Variants in ZIM2 observed in about 807,000 individuals in gnomAD.
ZIM2 encodes zinc finger imprinted 2.
A neutral mutation model predicts 38.6 loss-of-function variants in ZIM2; 14 were observed. The ratio of observed to expected loss-of-function variants is 0.36; its 90% CI spans 0.24 to 0.57. The LOEUF (loss-of-function observed/expected upper bound fraction) is 0.57, where lower values mean the gene tolerates loss of function less well. Among genes scored for constraint, ZIM2 ranks in the 20% least tolerant of loss-of-function variants. ZIM2 has a pLI of 0.81. For synonymous variants in ZIM2, 247 were observed against 245.8 expected (o/e 1.00, Z -0.04); for missense variants, 680 against 695.1 (o/e 0.98, Z 0.24).
intron 2 of ZIM2, among the ~76,000 whole-genome samples, chr19:56,830,682 C>G (rs2061490432): frequency 6.6e-6 from 1 of 152,086 alleles, no homozygotes; most frequent in South Asian, 2.1e-4. Flanking sequence ...AGAAATAATT[C>G]CCATTAATAG....
At chr19:56,811,910 TTAGGA>T in intron 9 of ZIM2, 2 of 985,224 alleles carry the variant, frequency 2.0e-6, no homozygotes, top group Non-Finnish European at 2.4e-6. Context: ...TGGTGATATA[TTAGGA>T]CTCCCTTCTT....
At chr19:56,830,175 T>G (rs1218057236) in intron 2 of ZIM2, among the ~76,000 whole-genome samples, 2 of 152,248 alleles carry the variant, frequency 1.3e-5, no homozygotes, top group Non-Finnish European at 2.9e-5. Context: ...GTTACCTTTT[T>G]CATCTCTATA....
chr19:56,775,971 C>T (rs941873234), intron 12 of ZIM2, among the ~76,000 whole-genome samples: 1 of 151,844 alleles, frequency 6.6e-6, no homozygotes, highest in Non-Finnish European at 1.5e-5. Flanking sequence ...CATGGTGGCG[C>T]GTGCCTGTAG....
At chr19:56,793,783 T>C (rs1600763548) in intron 9 of ZIM2, among the ~76,000 whole-genome samples, 1 of 152,100 alleles carries the variant, frequency 6.6e-6, no homozygotes, top group African/African-American at 2.4e-5. Flanking sequence ...ACAGAAAATA[T>C]GAATGTTAAG....
intron 1 of ZIM2, 58 bp from the exon 2 acceptor site, chr19:56,836,162 CAG>C: frequency 2.3e-6 from 1 of 434,366 alleles, no homozygotes. Context: ...CTGGGTTCCT[CAG>C]GGGGGAACAA....
chr19:56,820,249 T>C (rs1379542904), intron 7 of ZIM2, among the ~76,000 whole-genome samples: 1 of 152,192 alleles, frequency 6.6e-6, no homozygotes, highest in Non-Finnish European at 1.5e-5. Flanking sequence ...ATTAAGAAAT[T>C]TACACATGAA....
At position 56,814,128 on chromosome 19, in the gene ZIM2, C is replaced by T. The variant is rs1474492451; in HGVS notation, c.490+3618G>A. 6.2e-6 allele frequency: 10 copies of T among 1,614,168 alleles called. No homozygotes were observed. The highest frequency in any genetic ancestry group is 8.5e-6 in the Non-Finnish European group (10 of 1,180,028). ...TTGGCTGCTCGGCCTCTCCATTTGG[C>T]TGTCCAGCCTCTCCAATGGGCTCTG... On this transcript the variant is annotated intron_variant, in intron 9 of 12. Coordinates refer to ENST00000629319, the MANE Select transcript of ZIM2 (RefSeq NM_001387356.1). The surrounding 1 kb of genome is among the most constrained non-coding windows in gnomAD (Gnocchi z 5.8).
At chr19:56,837,290 T>G (rs943612586) in intron 1 of ZIM2, among the ~76,000 whole-genome samples, 1 of 151,916 alleles carries the variant, frequency 6.6e-6, no homozygotes, top group African/African-American at 2.4e-5. Context: ...AGCCTCCTAG[T>G]TCCCATGCAC....
rs757500586 is a variant in ZIM2 at position 56,774,700 on chromosome 19, G to A, written c.1665C>T (p.Cys555=). 1.5e-5 allele frequency: 25 copies of A among 1,613,774 alleles called. No homozygotes were observed. Among genetic ancestry groups the A allele is most frequent in the South Asian group, 4.4e-5 (4 of 91,054 alleles). ...GACTAAAGGTTTCTCAACAGTGATCGCACTCAACAGTTTTCTCTTGAGAAT... is the reference window on the plus strand; with the variant it reads ...GACTAAAGGTTTCTCAACAGTGATCACACTCAACAGTTTTCTCTTGAGAAT... The part of the protein sequence containing the change: ...QLHSQEKTVE[C]DHC The change falls in exon 13 of 13, where the codon TGC becomes TGT. Residue 555 remains cysteine (C), a synonymous_variant. Transcript: ENST00000629319.
At chr19:56,811,700 T>A in intron 9 of ZIM2, 1 of 985,506 alleles carries the variant, frequency 1.0e-6, no homozygotes, top group Non-Finnish European at 1.2e-6. Flanking sequence ...GTAGTAAACC[T>A]CACTGCCCCT....
At position 56,814,362 on chromosome 19, in the gene ZIM2, T is replaced by G. The variant is rs774278346; in HGVS notation, c.490+3384A>C. ...CTGCTGCAGCTGCTGCTGCTTCATC[T>G]TCTTCTTCTTCTTCCAGATGAAGCT... On this transcript the variant is annotated intron_variant, in intron 9 of 12. Coordinates refer to ENST00000629319, the MANE Select transcript of ZIM2 (RefSeq NM_001387356.1). The surrounding 1 kb of genome is among the most constrained non-coding windows in gnomAD (Gnocchi z 5.8). The G allele has an allele frequency of 6.3e-7, 1 of 1,598,696 alleles. No homozygotes were observed. Among genetic ancestry groups the G allele is most frequent in the East Asian group, 2.2e-5 (1 of 44,790 alleles).
intron 12 of ZIM2, among the ~76,000 whole-genome samples, chr19:56,776,144 A>C (rs1420841320): frequency 1.3e-5 from 2 of 151,670 alleles, no homozygotes; most frequent in Non-Finnish European, 2.9e-5. Flanking sequence ...TAAGCAAGGA[A>C]GAGTGAGGAA....
intron 1 of ZIM2, among the ~76,000 whole-genome samples, chr19:56,838,568 G>T (rs1166041709): frequency 6.6e-6 from 1 of 152,208 alleles, no homozygotes; most frequent in East Asian, 1.9e-4. Context: ...GGTGAACAAA[G>T]TCTTGGTCAG....
chr19:56,775,467 TAGG>T lies in ZIM2; in HGVS notation c.895_897del (p.Pro299del). The T allele has an allele frequency of 6.2e-7, 1 of 1,614,030 alleles. No homozygotes were observed. The highest frequency in any genetic ancestry group is 2.2e-5 in the East Asian group (1 of 44,860). ...AGGGTCTTGGGGTCATTCATTGTTA[TAGG>T]AGTCAAAAGTTTCTCTTGGTTGCCC... On this transcript the variant is annotated inframe_deletion, in exon 13 of 13. Coordinates refer to ENST00000629319, the MANE Select transcript of ZIM2 (RefSeq NM_001387356.1).
intron 9 of ZIM2, chr19:56,816,190 G>A (rs1290581400): frequency 1.2e-6 from 2 of 1,614,110 alleles, no homozygotes; most frequent in East Asian, 4.5e-5. Context: ...AGAGCTAATG[G>A]TGAACGCCTT....
In ZIM2 at chr19:56,836,058, C is replaced by G. The variant is rs1255697209; in HGVS notation, c.-267G>C. 2 of 508,574 alleles carry G rather than the reference C, an allele frequency of 3.9e-6. No homozygotes were observed. The highest frequency in any genetic ancestry group is 3.2e-4 in the Middle Eastern group (1 of 3,136). The allele number at this position is 508,574 out of a possible 1,614,324, so 31.5% of individuals were successfully genotyped here. The stretch of plus-strand genomic sequence containing the variant: ...TAGCGTTTGGACCTAGTCCCTCTTC[C>G]TCTCGCCAGTCGTCTCCAAGAAGGA... On this transcript the variant is annotated 5_prime_UTR_variant, in exon 2 of 13. Coordinates refer to ENST00000629319, the MANE Select transcript of ZIM2 (RefSeq NM_001387356.1).
At chr19:56,810,946 TAAAGTG>T (rs2059497639) in intron 9 of ZIM2, 2 of 970,610 alleles carry the variant, frequency 2.1e-6, no homozygotes, top group African/African-American at 1.8e-5. Flanking sequence ...TTGAAAAAAT[TAAAGTG>T]AAAGTATTTA....
chr19:56,790,027 C>A, intron 9 of ZIM2, 76 bp from the exon 10 acceptor site: 2 of 1,241,070 alleles, frequency 1.6e-6, no homozygotes, highest in African/African-American at 1.5e-5. Flanking sequence ...CAGCCACCCT[C>A]ATGCCACCCT....
At chr19:56,812,204 G>C in intron 9 of ZIM2, 2 of 982,068 alleles carry the variant, frequency 2.0e-6, no homozygotes, top group Non-Finnish European at 2.4e-6. Context: ...TGCGAGGGGA[G>C]GGGAAGCAAA....
Sources: gnomAD v4.1 joint callset for allele counts (sites outside exome capture counted in the v4.1 genomes callset) on GRCh38, gnomAD v4.1.1 for gene constraint, Gnocchi (gnomAD v3.1) non-coding constraint, MANE v1.5 for transcripts, NCBI Gene and HGNC (gene_info 2026-07-23, HGNC 2026-07-21) for gene names.